The following UTRN variants were observed in gnomAD, a reference collection of about 807,000 sequenced individuals.
The protein encoded by UTRN is utrophin, also known as dystrophin-related protein 1.
Under a neutral mutation model 463.9 loss-of-function variants are expected in UTRN, and 283 were observed. That is an observed-to-expected ratio of 0.61 (90% confidence interval 0.55 to 0.67). The LOEUF (loss-of-function observed/expected upper bound fraction) is 0.67, where lower values mean the gene tolerates loss of function less well. UTRN is among the 30% of genes least tolerant of loss of function. The pLI is 0.00. For synonymous variants in UTRN, 1,442 were observed against 1,431.5 expected, an observed-to-expected ratio of 1.01 and a Z score of -0.17; for missense variants, 3,922 against 4,084.3, an observed-to-expected ratio of 0.96 and a Z score of 1.08.
At chr6:144,475,665 G>A in intron 25 of UTRN, among the ~76,000 whole-genome samples, 1 of 152,052 alleles carries the variant, frequency 6.6e-6, no homozygotes, top group East Asian at 1.9e-4. Flanking sequence ...ACCCAGGCTG[G>A]AGTGCAGTGG....
chr6:144,557,029 C>T (rs187407306), intron 49 of UTRN, 128 bp from the exon 50 acceptor site: 12 of 1,183,810 alleles, frequency 1.0e-5, no homozygotes, highest in Admixed American at 3.2e-5. Flanking sequence ...GGGTTTGCCC[C>T]CAGTCTGTTT....
At chr6:144,423,454 G>T (rs752741938) in intron 4 of UTRN, 95 bp from the exon 5 acceptor site, 9 of 1,279,820 alleles carry the variant, frequency 7.0e-6, no homozygotes, top group Non-Finnish European at 1.0e-5. Context: ...GGCCCTGTAC[G>T]CTGAGCTTCA....
chr6:144,722,241 C>T (rs1787270233), intron 53 of UTRN, among the ~76,000 whole-genome samples: 1 of 152,168 alleles, frequency 6.6e-6, no homozygotes. Flanking sequence ...TGCCTCAGAG[C>T]CTTTGCACTT....
intron 27 of UTRN, among the ~76,000 whole-genome samples, chr6:144,483,641 G>T (rs76276011): frequency 1.3e-5 from 2 of 152,048 alleles, no homozygotes; most frequent in South Asian, 2.1e-4. Context: ...AGAGATGGGG[G>T]TCTTGCTATG....
intron 52 of UTRN, among the ~76,000 whole-genome samples, chr6:144,679,007 T>G (rs1016297077): frequency 1.3e-5 from 2 of 152,138 alleles, no homozygotes; most frequent in Non-Finnish European, 2.9e-5. Flanking sequence ...TGCCAAGTTT[T>G]GGGGCTAAGA....
chr6:144,437,731 T>G lies in UTRN; in HGVS notation c.1226T>G (p.Met409Arg). ...TGGGAGGCTCTTAGGGTGGAGAGTA[T>G]GGACAGACAGTCCCGGTGAGTGGAA... ...ARWEALRVES[M>R]DRQSRLHDVL... The change falls in exon 11 of 75, where the codon ATG (methionine) becomes AGG (arginine). Residue 409 changes from methionine to arginine, a missense_variant. Physicochemically the swap from Met to Arg is moderately conservative, Grantham distance 91. Transcript: ENST00000367545. 3 of 1,613,304 alleles carry G rather than the reference T, an allele frequency of 1.9e-6. No individual in the cohort carries two copies. Among genetic ancestry groups the G allele is most frequent in the Non-Finnish European group, 2.5e-6 (3 of 1,179,702 alleles).
intron 34 of UTRN, among the ~76,000 whole-genome samples, chr6:144,506,937 T>C (rs1730169858): frequency 6.6e-6 from 1 of 152,146 alleles, no homozygotes; most frequent in African/African-American, 2.4e-5. Context: ...CATAGTCTCT[T>C]ATTTCTTGGA....
chr6:144,520,262 CA>C (rs1377326812), intron 39 of UTRN, among the ~76,000 whole-genome samples: 6 of 152,092 alleles, frequency 3.9e-5, no homozygotes, highest in Non-Finnish European at 5.9e-5. Flanking sequence ...TCTGATCTTC[CA>C]AAATAAAAAC....
At chr6:144,723,735 C>A (rs1281279782) in intron 53 of UTRN, among the ~76,000 whole-genome samples, 1 of 152,086 alleles carries the variant, frequency 6.6e-6, no homozygotes, top group African/African-American at 2.4e-5. Flanking sequence ...GGTGCAGTGG[C>A]TTACATCTGT....
intron 53 of UTRN, among the ~76,000 whole-genome samples, chr6:144,723,258 C>G (rs892602492): frequency 1.3e-5 from 2 of 152,128 alleles, no homozygotes; most frequent in Non-Finnish European, 2.9e-5. Context: ...AAATTACTAC[C>G]AGCAATTTGC....
intron 53 of UTRN, among the ~76,000 whole-genome samples, chr6:144,710,682 G>A (rs1785586012): frequency 6.6e-6 from 1 of 152,184 alleles, no homozygotes; most frequent in Non-Finnish European, 1.5e-5. Context: ...TCAGTAAAAG[G>A]TGGCTGATAT....
intron 54 of UTRN, among the ~76,000 whole-genome samples, chr6:144,738,463 G>C (rs1789686407): frequency 6.6e-6 from 1 of 152,158 alleles, no homozygotes; most frequent in South Asian, 2.1e-4. Context: ...GATCTGCACA[G>C]GGGAGTTGGA....
chr6:144,437,509 T>G, intron 10 of UTRN, 56 bp from the exon 11 acceptor site: 1 of 1,480,844 alleles, frequency 6.8e-7, no homozygotes, highest in East Asian at 2.4e-5. Context: ...TGTTCAGTCT[T>G]CCTTTTTTTT....
intron 51 of UTRN, among the ~76,000 whole-genome samples, chr6:144,661,563 G>A (rs554584775): frequency 4.6e-5 from 7 of 152,248 alleles, no homozygotes; most frequent in Admixed American, 6.5e-5. Flanking sequence ...GAAGGGGCGG[G>A]GAAGGCAAGG....
In UTRN at chr6:144,462,192, G is replaced by A. The variant is rs1172364691; in HGVS notation, c.2854-462G>A. Reference sequence around the variant, plus strand: ...TTTGTTGTTTCTGAATTAGTTTGCCGAGGATAATGGCTTCCAGCTCCATCC... The same window carrying A: ...TTTGTTGTTTCTGAATTAGTTTGCCAAGGATAATGGCTTCCAGCTCCATCC... On this transcript the variant is annotated intron_variant, in intron 22 of 74. Coordinates refer to ENST00000367545, the MANE Select transcript of UTRN (RefSeq NM_007124.3). Among the ~76,000 whole-genome samples, 7 of 152,106 alleles carry A rather than the reference G, an allele frequency of 4.6e-5. No individual in the cohort carries two copies. The East Asian group carries it at 9.6e-4, about 21-fold the overall frequency.
Position 144,291,756 on chromosome 6 carries a change from C to A in UTRN, c.-73C>A. On this transcript the variant is annotated 5_prime_UTR_variant, in exon 2 of 75. Coordinates refer to ENST00000367545, the MANE Select transcript of UTRN (RefSeq NM_007124.3). Reference sequence around the variant, plus strand: ...TTTTAGGTATTGATGTCAAGCTGAACCATCGTAGGAAGTTGAAAGCCTTAG... The same window carrying A: ...TTTTAGGTATTGATGTCAAGCTGAAACATCGTAGGAAGTTGAAAGCCTTAG... The A allele has an allele frequency of 1.0e-5, 14 of 1,357,200 alleles. No individual in the cohort carries two copies. Among genetic ancestry groups the A allele is most frequent in the Non-Finnish European group, 1.4e-5 (14 of 985,096 alleles). 84.1% of individuals were successfully genotyped at this position (1,357,200 alleles called of 1,614,324 possible).
chr6:144,588,706 G>T (rs1802713962), intron 51 of UTRN, among the ~76,000 whole-genome samples: 1 of 152,130 alleles, frequency 6.6e-6, no homozygotes, highest in Admixed American at 6.5e-5. Flanking sequence ...CTAGCTGTAG[G>T]TACTGCTAGA....
At chr6:144,760,043 A>G (rs1462809726) in intron 58 of UTRN, among the ~76,000 whole-genome samples, 1 of 152,142 alleles carries the variant, frequency 6.6e-6, no homozygotes, top group African/African-American at 2.4e-5. Flanking sequence ...TTATGTTTAT[A>G]TCATGATTAT....
intron 51 of UTRN, among the ~76,000 whole-genome samples, chr6:144,655,654 G>A (rs934367617): frequency 2.0e-5 from 3 of 151,776 alleles, no homozygotes; most frequent in Non-Finnish European, 4.4e-5. Flanking sequence ...TTTGTTCTTT[G>A]TGTTGGCCAA....
Sources: allele counts gnomAD v4.1 joint callset (sites outside exome capture counted in the v4.1 genomes callset), GRCh38; gene constraint gnomAD v4.1.1; transcripts MANE v1.5; gene names NCBI Gene and HGNC (gene_info 2026-07-23, HGNC 2026-07-21).